The following SLC17A1 variants were observed in gnomAD, a reference collection of about 807,000 sequenced individuals.
SLC17A1 encodes the protein sodium-dependent phosphate transport protein 1.
In SLC17A1, 51 loss-of-function variants were observed where a neutral mutation model predicts 53.5. That is an observed-to-expected ratio of 0.95 (90% confidence interval 0.76 to 1.20). SLC17A1 has a LOEUF of 1.20. Ranked by LOEUF, SLC17A1 falls within the 50% of genes most tolerant of loss-of-function variation. The probability of loss-of-function intolerance (pLI) is 0.00; values close to 1 mark genes in which losing one functional copy is unlikely to be tolerated. For missense variants in SLC17A1, 538 were observed against 568.2 expected, an observed-to-expected ratio of 0.95 and a Z score of 0.54; for synonymous variants, 179 against 198.8, an observed-to-expected ratio of 0.90 and a Z score of 0.84.
chr6:25,728,776 T>A, the SLC17A1 span, among the ~76,000 whole-genome samples: 2 of 152,214 alleles, frequency 1.3e-5, no homozygotes, highest in Non-Finnish European at 2.9e-5. Flanking sequence ...ATCGCCCCAC[T>A]GCACTCCAGC....
At chr6:25,753,022 C>G in the SLC17A1 span, among the ~76,000 whole-genome samples, 2 of 151,740 alleles carry the variant, frequency 1.3e-5, no homozygotes, top group African/African-American at 2.4e-5. Context: ...AAGCTTTGAT[C>G]TATTTTTAAT....
At chr6:25,724,676 G>T in the SLC17A1 span, among the ~76,000 whole-genome samples, 1 of 152,324 alleles carries the variant, frequency 6.6e-6, no homozygotes, top group African/African-American at 2.4e-5. Flanking sequence ...AGTCTGAGAA[G>T]TTAAGTGCCA....
chr6:25,736,503 CT>C, the SLC17A1 span, among the ~76,000 whole-genome samples: 2 of 152,116 alleles, frequency 1.3e-5, no homozygotes, highest in Admixed American at 1.3e-4. Context: ...GAATTTTTCT[CT>C]TTCCTTTAAT....
the SLC17A1 span, chr6:25,773,382 T>A: frequency 3.7e-6 from 6 of 1,613,846 alleles, no homozygotes; most frequent in East Asian, 1.1e-4. Context: ...TGTGTGTTCA[T>A]TGGCTCAGCA....
chr6:25,731,533 G>A, the SLC17A1 span, among the ~76,000 whole-genome samples: 2 of 152,292 alleles, frequency 1.3e-5, no homozygotes, highest in South Asian at 4.1e-4. Flanking sequence ...CCAGGATTAC[G>A]GGAGCTCCCA....
the SLC17A1 span, chr6:25,726,557 A>C: frequency 3.1e-6 from 5 of 1,587,408 alleles, no homozygotes; most frequent in African/African-American, 5.4e-5. Flanking sequence ...GCAACACGAG[A>C]ACCACATTTC....
intron 12 of SLC17A1, among the ~76,000 whole-genome samples, chr6:25,795,822 G>T (rs1763591629): frequency 6.6e-6 from 1 of 152,056 alleles, no homozygotes; most frequent in Admixed American, 6.5e-5. Flanking sequence ...ATTATGGAAT[G>T]GGAAGGATTC....
downstream of SLC17A1, chr6:25,782,750 C>T (rs909071687): frequency 6.6e-6 from 1 of 152,170 alleles, no homozygotes; most frequent in African/African-American, 2.4e-5. Flanking sequence ...AGTTACATTT[C>T]TCCCTGGGCC....
At chr6:25,781,204 A>G (rs1763260771), downstream of SLC17A1, 1 of 115,638 alleles carries the variant, frequency 8.6e-6, no homozygotes, top group African/African-American at 3.3e-5. Flanking sequence ...AAGAAAGAAA[A>G]GAAAGAGAGA....
rs757176966 is a variant in SLC17A1 at position 25,819,532 on chromosome 6, G to A, written c.508C>T (p.Leu170Phe). Residue 170 changes from leucine to phenylalanine, a missense_variant, in exon 5 of 13, where the codon CTT (leucine) becomes TTT (phenylalanine). Leu to Phe is a conservative substitution (Grantham distance 22). Transcript: ENST00000244527. ...TTACCTGATGTACTCATAGAAGTAA[G>A]TCGGCCTCGTTCCAGGGGAGGAGCC... ...KWAPPLERGR[L>F]TSMSTSGFLL... The A allele has an allele frequency of 6.2e-7, 1 of 1,613,794 alleles. No homozygotes were observed. Among genetic ancestry groups the A allele is most frequent in the Admixed American group, 1.7e-5 (1 of 60,022 alleles).
At chr6:25,779,070 G>T, downstream of SLC17A1, 3 of 1,613,754 alleles carry the variant, frequency 1.9e-6, no homozygotes, top group Non-Finnish European at 2.5e-6. Context: ...GAGTTTGGTT[G>T]GAGAAATGTC....
At chr6:25,781,129 C>G (rs1352875535), downstream of SLC17A1, 1 of 148,370 alleles carries the variant, frequency 6.7e-6, no homozygotes, top group East Asian at 2.0e-4. Context: ...TGGGAATAAG[C>G]CTTAAAGAAT....
the SLC17A1 span, among the ~76,000 whole-genome samples, chr6:25,729,008 T>C: frequency 6.6e-6 from 1 of 152,164 alleles, no homozygotes; most frequent in Non-Finnish European, 1.5e-5. Flanking sequence ...TGGGATCATC[T>C]CTAATCAGGG....
At chr6:25,747,546 C>T in the SLC17A1 span, among the ~76,000 whole-genome samples, 1 of 152,154 alleles carries the variant, frequency 6.6e-6, no homozygotes, top group Admixed American at 6.5e-5. Flanking sequence ...TCCAAGAAAC[C>T]TACCGTTATG....
chr6:25,729,123 T>C, the SLC17A1 span, among the ~76,000 whole-genome samples: 2 of 152,348 alleles, frequency 1.3e-5, no homozygotes, highest in South Asian at 4.1e-4. Flanking sequence ...ACCCAAGGAC[T>C]TTTAGGCTTA....
At chr6:25,735,443 G>T in the SLC17A1 span, among the ~76,000 whole-genome samples, 1 of 152,128 alleles carries the variant, frequency 6.6e-6, no homozygotes, top group Non-Finnish European at 1.5e-5. Context: ...AGTCTGTTCT[G>T]CAAAAGACCA....
intron 2 of SLC17A1, among the ~76,000 whole-genome samples, chr6:25,828,187 G>A (rs1043417888): frequency 2.0e-5 from 3 of 152,064 alleles, no homozygotes; most frequent in East Asian, 1.9e-4. Flanking sequence ...AGGAGTCATC[G>A]ATCCATAAAG....
the SLC17A1 span, chr6:25,769,993 G>A: frequency 5.5e-6 from 7 of 1,284,056 alleles, no homozygotes; most frequent in African/African-American, 7.4e-5. Flanking sequence ...ATTAATTTTT[G>A]CCTCTCAAGT....
intron 12 of SLC17A1, 80 bp downstream of exon 12, chr6:25,798,703 C>T (rs1482389372): frequency 3.0e-6 from 4 of 1,323,840 alleles, no homozygotes; most frequent in Middle Eastern, 1.9e-4. Context: ...TATTCCTTCT[C>T]GTCTGAGGAG....
Sources: gnomAD v4.1 joint callset for allele counts (sites outside exome capture counted in the v4.1 genomes callset) on GRCh38, gnomAD v4.1.1 for gene constraint, MANE v1.5 for transcripts, NCBI Gene and HGNC (gene_info 2026-07-23, HGNC 2026-07-21) for gene names.